Variants in HORMAD1 observed in about 807,000 individuals in gnomAD.
The protein encoded by HORMAD1 is HORMA domain containing 1, also known as HORMA domain-containing protein 1.
Under a neutral mutation model 58.2 loss-of-function variants are expected in HORMAD1, and 33 were observed. The ratio of observed to expected loss-of-function variants is 0.57; its 90% CI spans 0.43 to 0.76. The LOEUF is 0.76. Among genes scored for constraint, HORMAD1 ranks in the 30% least tolerant of loss-of-function variants. The pLI, the probability that HORMAD1 is intolerant of heterozygous loss-of-function variation, is 0.00. For synonymous variants in HORMAD1, 137 were observed against 144.6 expected (o/e 0.95, Z 0.38); for missense variants, 363 against 462.0 (o/e 0.79, Z 1.96).
At chr1:150,705,301 A>C (rs1280977714) in intron 10 of HORMAD1, among the ~76,000 whole-genome samples, 1 of 151,924 alleles carries the variant, frequency 6.6e-6, no homozygotes, top group African/African-American at 2.4e-5. Context: ...ACAGGTGGGC[A>C]GATCACCTGA....
In HORMAD1 at chr1:150,704,198, T is replaced by TAA. The variant is rs367543855; in HGVS notation, c.872-6_872-5dup. 8.2e-4 allele frequency: 1,161 copies of TAA among 1,423,864 alleles called. No homozygotes were observed. The highest frequency in any genetic ancestry group is 1.1e-3 in the South Asian group (85 of 75,950). 88.2% of individuals were successfully genotyped at this position (1,423,864 alleles called of 1,614,324 possible). ...TCCTCACAAACTAAACTTGGTTCTG[T>TAA]AAAAAAAAAAAAAAAAAGTTACCCG... On this transcript the variant is annotated splice_polypyrimidine_tract_variant and splice_region_variant and intron_variant, in intron 11 of 14. Coordinates refer to ENST00000361824, the MANE Select transcript of HORMAD1 (RefSeq NM_032132.5).
At chr1:150,699,549 G>A (rs959109020) in intron 14 of HORMAD1, among the ~76,000 whole-genome samples, 46 of 150,102 alleles carry the variant, frequency 3.1e-4, no homozygotes, top group South Asian at 6.3e-4. Context: ...TTTTAAAGAC[G>A]GAGTCTTGGT....
intron 4 of HORMAD1, among the ~76,000 whole-genome samples, chr1:150,714,377 G>T (rs1652001364): frequency 6.6e-6 from 1 of 151,990 alleles, no homozygotes; most frequent in Non-Finnish European, 1.5e-5. Context: ...AATAAATAAA[G>T]CCTGCTTGCA....
At position 150,704,199 on chromosome 1, in the gene HORMAD1, A is replaced by T. The variant is rs1452965202; in HGVS notation, c.872-5T>A. On this transcript the variant is annotated splice_polypyrimidine_tract_variant and splice_region_variant and intron_variant, in intron 11 of 14. Coordinates refer to ENST00000361824, the MANE Select transcript of HORMAD1 (RefSeq NM_032132.5). Reference sequence around the variant, plus strand: ...CCTCACAAACTAAACTTGGTTCTGTAAAAAAAAAAAAAAAAAGTTACCCGG... The same window carrying T: ...CCTCACAAACTAAACTTGGTTCTGTTAAAAAAAAAAAAAAAAGTTACCCGG... The T allele has an allele frequency of 7.3e-5, 13 of 176,916 alleles. No individual in the cohort carries two copies. Among genetic ancestry groups the T allele is most frequent in the Non-Finnish European group, 1.4e-4 (13 of 95,300 alleles). The allele number at this position is 176,916 out of a possible 1,614,324, so 11.0% of individuals were successfully genotyped here.
At chr1:150,709,592 T>A (rs11579902) in intron 7 of HORMAD1, among the ~76,000 whole-genome samples, 5 of 150,758 alleles carry the variant, frequency 3.3e-5, no homozygotes, top group Admixed American at 2.0e-4. Context: ...AATATGGCCT[T>A]GTGGGATGAG....
rs28605628 is a variant in HORMAD1, at chr1:150,709,594, T to C, written c.328-633A>G. Reference sequence around the variant, plus strand: ...TGTGATAGTCTGAAATATGGCCTTGTGGGATGAGAAAGACCTGACCGTCCC... The same window carrying C: ...TGTGATAGTCTGAAATATGGCCTTGCGGGATGAGAAAGACCTGACCGTCCC... On this transcript the variant is annotated intron_variant, in intron 7 of 14. Transcript: ENST00000361824. Among the ~76,000 whole-genome samples the C allele has an allele frequency of 5.0e-3, 758 of 151,818 alleles. 4 individuals are homozygous for C. Among genetic ancestry groups the C allele is most frequent in the Middle Eastern group, 0.01 (3 of 294 alleles).
At chr1:150,718,152 CAT>C (rs1652143817) in intron 2 of HORMAD1, among the ~76,000 whole-genome samples, 1 of 152,014 alleles carries the variant, frequency 6.6e-6, no homozygotes, top group Non-Finnish European at 1.5e-5. Context: ...CCACCAATTT[CAT>C]AACATTTTCT....
intron 9 of HORMAD1, among the ~76,000 whole-genome samples, chr1:150,707,972 C>G (rs1471237279): frequency 6.6e-6 from 1 of 152,096 alleles, no homozygotes; most frequent in Non-Finnish European, 1.5e-5. Flanking sequence ...ACATCCTTAT[C>G]AATAATGGAT....
chr1:150,702,103 A>G (rs908750491), intron 13 of HORMAD1: 7 of 152,252 alleles, frequency 4.6e-5, no homozygotes, highest in African/African-American at 1.7e-4. Context: ...CCCATTAAAA[A>G]GTGGGTAAAG....
chr1:150,712,711 T>C (rs1651939126), intron 5 of HORMAD1, among the ~76,000 whole-genome samples: 1 of 152,024 alleles, frequency 6.6e-6, no homozygotes, highest in Non-Finnish European at 1.5e-5. Context: ...CACGCCTAGC[T>C]CATTTTTGTA....
chr1:150,715,140 G>C (rs1046238105), intron 3 of HORMAD1, among the ~76,000 whole-genome samples: 10 of 151,980 alleles, frequency 6.6e-5, no homozygotes, highest in African/African-American at 2.4e-4. Context: ...AAGGAAGAAA[G>C]GTTATATGAA....
chr1:150,712,454 C>T (rs2101876174), intron 5 of HORMAD1, among the ~76,000 whole-genome samples: 1 of 152,324 alleles, frequency 6.6e-6, no homozygotes, highest in East Asian at 1.9e-4. Context: ...CATTATTTCT[C>T]ACCAGTACTA....
chr1:150,706,504 G>T, intron 10 of HORMAD1, 49 bp downstream of exon 10: 1 of 1,441,538 alleles, frequency 6.9e-7, no homozygotes. Context: ...TCAGAATTGA[G>T]TCAAACATTT....
chr1:150,711,737 T>C lies in HORMAD1; in HGVS notation c.300+96A>G, dbSNP rs998209698. 5 of 948,444 alleles carry C rather than the reference T, an allele frequency of 5.3e-6. No individual in the cohort carries two copies. The African/African-American group carries it at 8.2e-5, about 16-fold the overall frequency. The allele number at this position is 948,444 out of a possible 1,614,324, so 58.8% of individuals were successfully genotyped here. ...TTGAATAGATCAGTTATTTGAATAA[T>C]GTGACATAATCAATTGATAGTTTTA... On this transcript the variant is annotated intron_variant, in intron 6 of 14. Transcript: ENST00000361824.
intron 2 of HORMAD1, among the ~76,000 whole-genome samples, chr1:150,718,242 C>G (rs1451244955): frequency 1.3e-5 from 2 of 152,130 alleles, no homozygotes; most frequent in African/African-American, 4.8e-5. Flanking sequence ...ACCCATTAGC[C>G]TATCTGTCCC....
At chr1:150,704,862 G>A (rs587732999) in intron 10 of HORMAD1, among the ~76,000 whole-genome samples, 2 of 152,126 alleles carry the variant, frequency 1.3e-5, no homozygotes, top group Non-Finnish European at 2.9e-5. Flanking sequence ...GGCTAACATG[G>A]TGAAATCTCG....
At chr1:150,704,466 C>T (rs1651629108) in intron 10 of HORMAD1, 123 bp from the exon 11 acceptor site, 2 of 649,658 alleles carry the variant, frequency 3.1e-6, no homozygotes, top group Non-Finnish European at 5.2e-6. Flanking sequence ...AAACTACTGG[C>T]CGGGCATGGT....
At chr1:150,709,270 T>C (rs1251635074) in intron 7 of HORMAD1, among the ~76,000 whole-genome samples, 1 of 152,180 alleles carries the variant, frequency 6.6e-6, no homozygotes, top group Non-Finnish European at 1.5e-5. Flanking sequence ...GAAAAAGACT[T>C]GTACTTTAAA....
intron 7 of HORMAD1, among the ~76,000 whole-genome samples, chr1:150,709,891 T>C (rs1042185481): frequency 2.7e-3 from 416 of 152,080 alleles, no homozygotes; most frequent in South Asian, 8.9e-3. Context: ...GGCTTACGTG[T>C]ACGTCCAGTC....
Sources: gnomAD v4.1 joint callset for allele counts (sites outside exome capture counted in the v4.1 genomes callset) on GRCh38, gnomAD v4.1.1 for gene constraint, MANE v1.5 for transcripts, NCBI Gene and HGNC (gene_info 2026-07-23, HGNC 2026-07-21) for gene names.